Variants in NUGGC observed in about 807,000 individuals in gnomAD.
The protein encoded by NUGGC is nuclear GTPase SLIP-GC.
A neutral mutation model predicts 92.6 loss-of-function variants in NUGGC; 58 were observed. The observed-to-expected ratio is 0.63, with a 90% CI of 0.51 to 0.78. The LOEUF (loss-of-function observed/expected upper bound fraction) is 0.78. Ranked by LOEUF, NUGGC falls within the 30% of genes least tolerant of loss-of-function variation. The pLI, the probability that NUGGC is intolerant of heterozygous loss-of-function variation, is 0.00. For missense variants in NUGGC, 925 were observed against 964.6 expected (o/e 0.96, Z 0.54); for synonymous variants, 376 against 366.4 (o/e 1.03, Z -0.30).
chr8:28,027,990 A>G (rs1809312204), intron 17 of NUGGC, among the ~76,000 whole-genome samples: 1 of 152,206 alleles, frequency 6.6e-6, no homozygotes. Flanking sequence ...AACATTATGT[A>G]TAAAAAGAAA....
chr8:28,074,776 C>G (rs1328939877), intron 1 of NUGGC, among the ~76,000 whole-genome samples: 3 of 152,012 alleles, frequency 2.0e-5, no homozygotes, highest in Non-Finnish European at 4.4e-5. Context: ...CCGTCTCTAC[C>G]AAAAATACAA....
At chr8:28,033,264 A>T (rs1809468724) in intron 14 of NUGGC, among the ~76,000 whole-genome samples, 1 of 152,182 alleles carries the variant, frequency 6.6e-6, no homozygotes, top group African/African-American at 2.4e-5. Context: ...TCCCTAAGAA[A>T]ATGTATCCCC....
At chr8:28,080,024 C>T (rs910268297) in intron 1 of NUGGC, among the ~76,000 whole-genome samples, 45 of 152,156 alleles carry the variant, frequency 3.0e-4, no homozygotes, top group Non-Finnish European at 5.4e-4. Flanking sequence ...TCACTGCAAC[C>T]TCCGCCTCCC....
At chr8:28,070,402 G>T in intron 2 of NUGGC, 46 bp from the exon 3 acceptor site, 1 of 1,057,508 alleles carries the variant, frequency 9.5e-7, no homozygotes, top group Non-Finnish European at 1.4e-6. Flanking sequence ...GTTGGGGTAT[G>T]GTATTCTTGC....
At chr8:28,047,678 G>C (rs1377461396) in intron 10 of NUGGC, 66 bp from the exon 11 acceptor site, 1 of 964,546 alleles carries the variant, frequency 1.0e-6, no homozygotes, top group Non-Finnish European at 1.6e-6. Context: ...TCATGCACAG[G>C]ACCCACAAGA....
intron 13 of NUGGC, 54 bp downstream of exon 13, chr8:28,040,997 G>T: frequency 6.7e-7 from 1 of 1,501,422 alleles, no homozygotes; most frequent in Non-Finnish European, 9.1e-7. Flanking sequence ...AAGAAGCTTG[G>T]GGATCGGGCA....
chr8:28,043,318 C>T (rs1809747155), intron 12 of NUGGC, among the ~76,000 whole-genome samples: 1 of 152,166 alleles, frequency 6.6e-6, no homozygotes, highest in Non-Finnish European at 1.5e-5. Flanking sequence ...TCCTCAACTT[C>T]CTATGGATTC....
At chr8:28,060,930 GCT>G (rs1210209905) in intron 7 of NUGGC, among the ~76,000 whole-genome samples, 1 of 152,174 alleles carries the variant, frequency 6.6e-6, no homozygotes, top group Non-Finnish European at 1.5e-5. Flanking sequence ...CACCAGGTCT[GCT>G]CTCTGCCCCT....
intron 1 of NUGGC, among the ~76,000 whole-genome samples, chr8:28,074,805 G>T (rs1047394211): frequency 1.2e-4 from 18 of 152,306 alleles, no homozygotes; most frequent in Admixed American, 7.2e-4. Context: ...CAGGCGTGGT[G>T]GTGGGTGCCC....
chr8:28,057,525 A>T (rs1810177872), intron 9 of NUGGC, among the ~76,000 whole-genome samples: 1 of 151,836 alleles, frequency 6.6e-6, no homozygotes, highest in Non-Finnish European at 1.5e-5. Context: ...CGTTTTTAGT[A>T]GAAACGGGGT....
At chr8:28,069,762 A>C in intron 3 of NUGGC, 110 bp from the exon 4 acceptor site, 1 of 726,810 alleles carries the variant, frequency 1.4e-6, no homozygotes, top group Non-Finnish European at 2.5e-6. Flanking sequence ...AAAAAATGAA[A>C]TGAAAAGCCG....
intron 6 of NUGGC, among the ~76,000 whole-genome samples, chr8:28,065,382 G>A (rs777085366): frequency 1.6e-4 from 24 of 152,040 alleles, no homozygotes; most frequent in Non-Finnish European, 2.8e-4. Context: ...GGATGGGGTC[G>A]ATCTCCTGAC....
intron 7 of NUGGC, among the ~76,000 whole-genome samples, chr8:28,063,842 C>G (rs1483142244): frequency 2.0e-5 from 3 of 152,198 alleles, no homozygotes; most frequent in African/African-American, 4.8e-5. Context: ...GCTGGTCCCC[C>G]TCTCCCAGTC....
intron 8 of NUGGC, chr8:28,060,225 G>C: frequency 1.5e-6 from 1 of 685,702 alleles, no homozygotes; most frequent in Non-Finnish European, 2.7e-6. Context: ...CAGCTACCCT[G>C]GAAGGTTCAG....
rs1019775264 is a variant in NUGGC at position 28,060,597 on chromosome 8, A to G, written c.926T>C (p.Ile309Thr). 1.1e-5 allele frequency: 17 copies of G among 1,609,212 alleles called. No homozygotes were observed. Among genetic ancestry groups the G allele is most frequent in the African/African-American group, 1.3e-5 (1 of 74,674 alleles). ...CACCCAGATCACTGAGCACTTGTCA[A>G]TGGTCTGCAAAACATGACCACGGCA... The part of the protein sequence containing the change: ...SKRDEMWKKT[I>T]DKCSVIWVIS... The change falls in exon 8 of 19, where the codon ATT becomes ACT. Residue 309 changes from isoleucine (I) to threonine (T), a missense_variant. By Grantham distance (89) the Ile-to-Thr change is moderately conservative. Transcript: ENST00000413272.
intron 3 of NUGGC, 106 bp downstream of exon 3, chr8:28,070,146 T>C: frequency 6.8e-7 from 1 of 1,463,372 alleles, no homozygotes; most frequent in Non-Finnish European, 9.0e-7. Context: ...CAGGTTTATT[T>C]GATGTTTCAT....
chr8:28,068,468 T>C (rs1426131045), intron 4 of NUGGC, 30 bp from the exon 5 acceptor site: 4 of 1,439,572 alleles, frequency 2.8e-6, no homozygotes, highest in African/African-American at 1.4e-5. Flanking sequence ...CACATTGCCA[T>C]GATCATCAAA....
rs377520060 is a variant in NUGGC at position 28,041,132 on chromosome 8, G to A, written c.1530C>T (p.Phe510=). The A allele has an allele frequency of 9.5e-5, 153 of 1,609,498 alleles. No individual in the cohort carries two copies. Among genetic ancestry groups the A allele is most frequent in the African/African-American group, 8.0e-4 (60 of 74,980 alleles). Residue 510 remains phenylalanine, a synonymous_variant, in exon 13 of 19, where the codon TTC becomes TTT. Coordinates refer to ENST00000413272, the MANE Select transcript of NUGGC (RefSeq NM_001010906.2). ...CTTGCAGAGGCTGCTCCATGCAGGC[G>A]AAGCACTGTGCGATGGCCTTCTCCA... The part of the protein sequence containing the change: ...ELLEKAIAQC[F]ACMEQPLQEG...
chr8:28,050,734 C>A (rs1809975159), intron 10 of NUGGC, among the ~76,000 whole-genome samples: 1 of 151,990 alleles, frequency 6.6e-6, no homozygotes, highest in Non-Finnish European at 1.5e-5. Context: ...TCACTTGAAC[C>A]CAGGAGGCAG....
Sources: gnomAD v4.1 joint callset for allele counts (sites outside exome capture counted in the v4.1 genomes callset) on GRCh38, gnomAD v4.1.1 for gene constraint, MANE v1.5 for transcripts, NCBI Gene and HGNC (gene_info 2026-07-23, HGNC 2026-07-21) for gene names.